Variants in ABCA8 observed in about 807,000 individuals in gnomAD.
ABCA8 encodes ATP binding cassette subfamily A member 8.
In ABCA8, 177 loss-of-function variants were observed where a neutral mutation model predicts 192.3. The observed-to-expected ratio is 0.92, with a 90% CI of 0.81 to 1.04. The LOEUF (loss-of-function observed/expected upper bound fraction) is 1.04, where lower values mean the gene tolerates loss of function less well. Among genes scored for constraint, ABCA8 ranks in the 50% least tolerant of loss-of-function variants. The pLI, the probability that ABCA8 is intolerant of heterozygous loss-of-function variation, is 0.00. For synonymous variants in ABCA8, 642 were observed against 690.2 expected, an observed-to-expected ratio of 0.93 and a Z score of 1.09; for missense variants, 1,915 against 1,904.8, an observed-to-expected ratio of 1.01 and a Z score of -0.10.
chr17:68,933,471 C>A (rs1233759731), intron 5 of ABCA8, among the ~76,000 whole-genome samples, 200 bp from the exon 6 acceptor site: 1 of 152,150 alleles, frequency 6.6e-6, no homozygotes, highest in Non-Finnish European at 1.5e-5. Context: ...TGAGGTGGAG[C>A]ACTCTTAGGA....
At chr17:68,893,793 A>T (rs2066677081) in intron 23 of ABCA8, among the ~76,000 whole-genome samples, 1 of 140,438 alleles carries the variant, frequency 7.1e-6, no homozygotes, top group African/African-American at 2.7e-5. Flanking sequence ...TGTGCAGGTT[A>T]GTTACATATG....
intron 37 of ABCA8, among the ~76,000 whole-genome samples, chr17:68,870,119 T>C (rs1381461068): frequency 3.3e-5 from 5 of 152,166 alleles, no homozygotes; most frequent in Admixed American, 2.6e-4. Context: ...ATTCAGATTG[T>C]TGTCCAAAAC....
intron 9 of ABCA8, among the ~76,000 whole-genome samples, 158 bp from the exon 10 acceptor site, chr17:68,928,221 T>C (rs903052734): frequency 6.6e-6 from 1 of 152,228 alleles, no homozygotes; most frequent in African/African-American, 2.4e-5. Flanking sequence ...AATCTATGCC[T>C]TGGAAGGCAT....
At chr17:68,917,294 G>A in intron 17 of ABCA8, 67 bp downstream of exon 17, 1 of 917,958 alleles carries the variant, frequency 1.1e-6, no homozygotes, top group Non-Finnish European at 1.7e-6. Flanking sequence ...CTTGTGTGTT[G>A]TAATGTTTTG....
At chr17:68,885,148 A>G (rs778868220) in intron 27 of ABCA8, 48 bp downstream of exon 27, 28 of 1,565,646 alleles carry the variant, frequency 1.8e-5, no homozygotes, top group Non-Finnish European at 2.3e-5. Flanking sequence ...AAGCTTCACA[A>G]TTGGTCATGA....
At chr17:68,899,521 T>C (rs750949788) in intron 21 of ABCA8, among the ~76,000 whole-genome samples, 5 of 152,124 alleles carry the variant, frequency 3.3e-5, no homozygotes, top group Non-Finnish European at 5.9e-5. Flanking sequence ...AGACATTTTC[T>C]AATGATACAA....
chr17:68,880,899 G>A (rs2066321339), intron 32 of ABCA8: 2 of 546,820 alleles, frequency 3.7e-6, no homozygotes, highest in Non-Finnish European at 6.5e-6. Context: ...AGCTCCAGAG[G>A]TTTTGACTGG....
At chr17:68,871,498 T>C (rs927525264) in intron 37 of ABCA8, among the ~76,000 whole-genome samples, 2 of 152,232 alleles carry the variant, frequency 1.3e-5, no homozygotes, top group African/African-American at 4.8e-5. Flanking sequence ...CCCTGATGAC[T>C]AATGACATTT....
intron 35 of ABCA8, 94 bp from the exon 36 acceptor site, chr17:68,875,827 T>A: frequency 7.1e-7 from 1 of 1,401,372 alleles, no homozygotes; most frequent in Admixed American, 2.3e-5. Context: ...TGCGTGTGAA[T>A]AATTAGCAAA....
intron 21 of ABCA8, among the ~76,000 whole-genome samples, chr17:68,896,213 C>T (rs1174945079): frequency 6.6e-6 from 1 of 152,154 alleles, no homozygotes; most frequent in African/African-American, 2.4e-5. Context: ...AAGCAATTGA[C>T]AGGAGATTGC....
intron 2 of ABCA8, among the ~76,000 whole-genome samples, chr17:68,947,597 A>G (rs4147951): frequency 0.51 from 77,320 of 152,038 alleles, 20,129 homozygotes; most frequent in Middle Eastern, 0.59. Flanking sequence ...GGATGGGCTA[A>G]ATTATCATTG....
At chr17:68,883,954 A>C in intron 28 of ABCA8, 72 bp from the exon 29 acceptor site, 1 of 933,764 alleles carries the variant, frequency 1.1e-6, no homozygotes, top group Non-Finnish European at 1.6e-6. Flanking sequence ...TATACTAATA[A>C]TAACCGAACT....
chr17:68,884,856 T>C (rs1204547769), intron 27 of ABCA8: 2 of 985,202 alleles, frequency 2.0e-6, no homozygotes, highest in African/African-American at 3.5e-5. Flanking sequence ...GGTGCTTCTT[T>C]AGAACTCTGA....
chr17:68,937,066 T>C lies in ABCA8; in HGVS notation c.351A>G (p.Thr117=). The C allele has an allele frequency of 6.2e-7, 1 of 1,610,662 alleles. No individual in the cohort carries two copies. Among genetic ancestry groups the C allele is most frequent in the Non-Finnish European group, 8.5e-7 (1 of 1,178,570 alleles). The change falls in exon 5 of 40, where the codon ACA becomes ACG. Residue 117 remains threonine (T), a synonymous_variant. Transcript: ENST00000586539. ...LPDEESIKEF[T]ANYPEEIVRV... ...TTACTATTTCTTCAGGATAATTTGC[T>C]GTGAATTCTTTAATACTTTCCTCAT...
rs555902995 is a variant in ABCA8 at position 68,955,249 on chromosome 17, G to C, written c.-197C>G. 6.6e-6 allele frequency: 1 copy of C among 152,234 alleles called. No homozygotes were observed. The highest frequency in any genetic ancestry group is 1.5e-5 in the Non-Finnish European group (1 of 68,018). The allele number at this position is 152,234 out of a possible 1,614,324, so 9.4% of individuals were successfully genotyped here. ...GGAAAATGGAAGCAAGGAATCTAGA[G>C]GTATGGTTTATCCACTGAGCTCCTT... On this transcript the variant is annotated 5_prime_UTR_variant, in exon 1 of 40. Transcript: ENST00000586539.
At chr17:68,929,345 A>G in intron 8 of ABCA8, 111 bp from the exon 9 acceptor site, 2 of 1,095,708 alleles carry the variant, frequency 1.8e-6, no homozygotes, top group Non-Finnish European at 2.5e-6. Flanking sequence ...GTTGTATATT[A>G]TAGTTATTTT....
chr17:68,873,736 A>T (rs996175204), intron 37 of ABCA8, among the ~76,000 whole-genome samples: 2 of 152,220 alleles, frequency 1.3e-5, no homozygotes, highest in Middle Eastern at 3.2e-3. Flanking sequence ...GTATGGCATA[A>T]GATGGGGTCT....
At position 68,881,947 on chromosome 17, in the gene ABCA8, C is replaced by T. The variant is rs1679788607; in HGVS notation, c.3862G>A (p.Glu1288Lys). The part of the protein sequence containing the change: ...PVIIASCLRK[E>K]YAGKRKGCFS... ...CAGCCTTTCCTCTTCCCTGCATACT[C>T]CTTGCGTAGACAGCTGGCAATGATG... The change falls in exon 31 of 40, where the codon GAG becomes AAG. Residue 1288 changes from glutamate (E) to lysine (K), a missense_variant. Physicochemically the swap from Glu to Lys is moderately conservative, Grantham distance 56 (BLOSUM62 1). Transcript: ENST00000586539. 5.0e-6 allele frequency: 8 copies of T among 1,614,120 alleles called. No homozygotes were observed. The highest frequency in any genetic ancestry group is 6.8e-6 in the Non-Finnish European group (8 of 1,179,960).
chr17:68,868,247 G>A, intron 39 of ABCA8, 54 bp downstream of exon 39: 2 of 1,606,866 alleles, frequency 1.2e-6, no homozygotes, highest in Non-Finnish European at 1.7e-6. Flanking sequence ...AGCTCCCAGG[G>A]AATGTTTTAT....
Sources: gnomAD v4.1 joint callset for allele counts (sites outside exome capture counted in the v4.1 genomes callset) on GRCh38, gnomAD v4.1.1 for gene constraint, MANE v1.5 for transcripts, NCBI Gene and HGNC (gene_info 2026-07-23, HGNC 2026-07-21) for gene names.